The following TMEM200A variants were observed in gnomAD, a reference collection of about 807,000 sequenced individuals.
The protein encoded by TMEM200A is transmembrane protein 200A, also known as two transmembrane C.
Under a neutral mutation model 24.3 loss-of-function variants are expected in TMEM200A, and 12 were observed. That is an observed-to-expected ratio of 0.49 (90% CI 0.32 to 0.80). The LOEUF is 0.80. TMEM200A is among the 30% of genes least tolerant of loss of function. TMEM200A has a pLI of 0.04. For missense variants in TMEM200A, 545 were observed against 614.4 expected, an observed-to-expected ratio of 0.89 and a Z score of 1.19; for synonymous variants, 224 against 224.4, an observed-to-expected ratio of 1.00 and a Z score of 0.02.
At chr6:130,372,737 G>A (rs544898619) in intron 1 of TMEM200A, among the ~76,000 whole-genome samples, 1 of 152,158 alleles carries the variant, frequency 6.6e-6, no homozygotes, top group Admixed American at 6.6e-5. Flanking sequence ...ATCTGCTTAG[G>A]TGTGTGACTG....
intron 2 of TMEM200A, among the ~76,000 whole-genome samples, chr6:130,386,664 T>TA (rs1191821588): frequency 6.6e-6 from 1 of 152,184 alleles, no homozygotes; most frequent in Non-Finnish European, 1.5e-5. Context: ...CTTTAAAAGA[T>TA]ACTCTAGGTG....
In TMEM200A at chr6:130,441,290, T is replaced by C; in HGVS notation, c.868T>C (p.Leu290=). 1 of 1,614,122 alleles carries C rather than the reference T, an allele frequency of 6.2e-7. No individual in the cohort carries two copies. Among genetic ancestry groups the C allele is most frequent in the East Asian group, 2.2e-5 (1 of 44,866 alleles). ...GTCATCGTCCATCAGTGCTTTTACA[T>C]TGCCTGTGATCAAACTTAATAACTG... ...IVSSSISAFT[L]PVIKLNNCVI... The change falls in exon 3 of 3, where the codon TTG becomes CTG. Residue 290 remains leucine (L), a synonymous_variant. Transcript: ENST00000296978.
At chr6:130,400,174 C>T (rs1369852723) in intron 2 of TMEM200A, among the ~76,000 whole-genome samples, 4 of 151,816 alleles carry the variant, frequency 2.6e-5, no homozygotes, top group Non-Finnish European at 5.9e-5. Context: ...GTTGGTTCCA[C>T]GATTTTGCAG....
At chr6:130,434,849 G>C (rs922111251) in intron 2 of TMEM200A, among the ~76,000 whole-genome samples, 6 of 152,200 alleles carry the variant, frequency 3.9e-5, no homozygotes, top group African/African-American at 1.2e-4. Context: ...TCTGTAGTGA[G>C]AAAGGTGGAA....
At chr6:130,439,090 G>A (rs866081463) in intron 2 of TMEM200A, 1 of 152,192 alleles carries the variant, frequency 6.6e-6, no homozygotes. Context: ...TAGAGACAAA[G>A]TTAAAGTCAA....
chr6:130,394,575 G>T (rs1168756231), intron 2 of TMEM200A, among the ~76,000 whole-genome samples: 1 of 152,200 alleles, frequency 6.6e-6, no homozygotes. Context: ...TATGTGGGAG[G>T]ACATTTTTTG....
intron 2 of TMEM200A, among the ~76,000 whole-genome samples, chr6:130,409,456 T>C (rs1365030606): frequency 1.3e-5 from 2 of 152,192 alleles, no homozygotes; most frequent in Non-Finnish European, 2.9e-5. Context: ...AGTTTGTCTC[T>C]GCAACTATGT....
chr6:130,408,560 T>C (rs1779259640), intron 2 of TMEM200A, among the ~76,000 whole-genome samples: 1 of 152,038 alleles, frequency 6.6e-6, no homozygotes, highest in African/African-American at 2.4e-5. Context: ...AAAGAGGACA[T>C]GAGACATGTG....
At chr6:130,411,532 T>C (rs1215211242) in intron 2 of TMEM200A, among the ~76,000 whole-genome samples, 2 of 152,202 alleles carry the variant, frequency 1.3e-5, no homozygotes, top group Non-Finnish European at 2.9e-5. Flanking sequence ...TTTCCAGTAA[T>C]GCCTTTTATA....
chr6:130,388,421 C>T (rs1778760961), intron 2 of TMEM200A, among the ~76,000 whole-genome samples: 1 of 152,132 alleles, frequency 6.6e-6, no homozygotes, highest in Non-Finnish European at 1.5e-5. Context: ...TTATATCTGC[C>T]CTCAATAAGG....
intron 1 of TMEM200A, among the ~76,000 whole-genome samples, chr6:130,368,291 G>T (rs912571388): frequency 3.9e-5 from 6 of 152,130 alleles, no homozygotes; most frequent in African/African-American, 1.4e-4. Flanking sequence ...ATGACTCTTA[G>T]CATAAAGGAA....
rs1465181492 is a variant in TMEM200A, at chr6:130,393,585, G to A, written c.-17+8349G>A. 2.0e-5 allele frequency among the ~76,000 whole-genome samples: 3 copies of A among 152,276 alleles called. No individual in the cohort carries two copies. In the East Asian group the frequency reaches 5.8e-4, roughly 29 times the overall value. On this transcript the variant is annotated intron_variant, in intron 2 of 2. Transcript: ENST00000296978. ...GGTCCGAATGGGTTGGGATCACGTT[G>A]CTTCAGCCGCCAATGGTGATAGTGT...
At chr6:130,375,707 G>C (rs1778440127) in intron 1 of TMEM200A, among the ~76,000 whole-genome samples, 1 of 152,148 alleles carries the variant, frequency 6.6e-6, no homozygotes, top group South Asian at 2.1e-4. Flanking sequence ...TTGGGGAGGG[G>C]GCATTGGAGT....
At chr6:130,378,132 G>C (rs997829982) in intron 1 of TMEM200A, among the ~76,000 whole-genome samples, 1 of 152,098 alleles carries the variant, frequency 6.6e-6, no homozygotes, top group Admixed American at 6.5e-5. Context: ...GAGGGTGTTG[G>C]CGTCACAAGG....
rs979512727 is a variant in TMEM200A at position 130,440,880 on chromosome 6, A to G, written c.458A>G (p.Lys153Arg). 1 of 1,614,052 alleles carries G rather than the reference A, an allele frequency of 6.2e-7. No homozygotes were observed. Among genetic ancestry groups the G allele is most frequent in the African/African-American group, 1.3e-5 (1 of 75,032 alleles). The change falls in exon 3 of 3, where the codon AAA (lysine) becomes AGA (arginine). Residue 153 changes from lysine to arginine, a missense_variant. By Grantham distance (26) the Lys-to-Arg change is conservative. Transcript: ENST00000296978. ...ANAILHENRD[K>R]ETKIIHMRDI... ...GCCATTCTTCATGAAAACCGTGACA[A>G]AGAGACCAAAATCATACACATGAGG...
chr6:130,390,486 A>G (rs1371738278), intron 2 of TMEM200A, among the ~76,000 whole-genome samples: 2 of 152,250 alleles, frequency 1.3e-5, no homozygotes, highest in Non-Finnish European at 2.9e-5. Flanking sequence ...GAGTGAAACT[A>G]GTACTGCCTA....
upstream of TMEM200A, chr6:130,365,536 C>T (rs1260850169): frequency 6.1e-6 from 6 of 985,204 alleles, no homozygotes; most frequent in African/African-American, 1.0e-4. Context: ...GAGCCAGGGT[C>T]CTGCGGTGCC....
chr6:130,388,637 T>C (rs910292730), intron 2 of TMEM200A, among the ~76,000 whole-genome samples: 1 of 152,266 alleles, frequency 6.6e-6, no homozygotes, highest in African/African-American at 2.4e-5. Context: ...CTCATATTTC[T>C]CAATCTTGTC....
At chr6:130,394,576 A>G (rs1420713763) in intron 2 of TMEM200A, among the ~76,000 whole-genome samples, 1 of 152,134 alleles carries the variant, frequency 6.6e-6, no homozygotes, top group Non-Finnish European at 1.5e-5. Flanking sequence ...ATGTGGGAGG[A>G]CATTTTTTGG....
Sources: allele counts gnomAD v4.1 joint callset (sites outside exome capture counted in the v4.1 genomes callset), GRCh38; gene constraint gnomAD v4.1.1; transcripts MANE v1.5; gene names NCBI Gene and HGNC (gene_info 2026-07-23, HGNC 2026-07-21).